The following SLC13A3 variants were observed in gnomAD, a reference collection of about 807,000 sequenced individuals.
SLC13A3 encodes solute carrier family 13 member 3, also known as Na(+)/dicarboxylate cotransporter 3.
SLC13A3 carries 40 observed loss-of-function variants against 59.0 expected under a neutral mutation model. The observed-to-expected ratio is 0.68, with a 90% CI of 0.53 to 0.88. The LOEUF (loss-of-function observed/expected upper bound fraction) is 0.88. Ranked by LOEUF, SLC13A3 falls within the 40% of genes least tolerant of loss-of-function variation. The probability of loss-of-function intolerance (pLI) is 0.00; values close to 1 mark genes in which losing one functional copy is unlikely to be tolerated. For synonymous variants in SLC13A3, 317 were observed against 330.3 expected (o/e 0.96, Z 0.44); for missense variants, 699 against 783.2 (o/e 0.89, Z 1.28).
chr20:46,596,198 C>G lies in SLC13A3; in HGVS notation c.753G>C (p.Thr251=). Residue 251 remains threonine (T), a synonymous_variant, in exon 5 of 13, where the codon ACG becomes ACC. Transcript: ENST00000279027. The stretch of plus-strand genomic sequence containing the variant: ...GCAGGATGAGGTTAGGGGCTGTGCC[C>G]GTGAGTGTGGCTGTGCCCCCAATAC... ...SASIGGTATL[T]GTAPNLILLG... The G allele has an allele frequency of 6.2e-7, 1 of 1,613,958 alleles. No homozygotes were observed. Among genetic ancestry groups the G allele is most frequent in the East Asian group, 2.2e-5 (1 of 44,850 alleles).
At position 46,560,178 on chromosome 20, in the gene SLC13A3, CATCA is replaced by C; in HGVS notation, c.1649_1652del (p.Leu550ArgfsTer3). ...TGAGCAGCAGGACACCCATCAGGTT[CATCA>C]GGAGGCCTGTCCGCACCTGAAATAG... On this transcript the variant is annotated frameshift_variant, in exon 13 of 13. Transcript: ENST00000279027. LOFTEE classifies it high-confidence loss of function. The C allele has an allele frequency of 6.2e-7, 1 of 1,614,144 alleles. No homozygotes were observed. Among genetic ancestry groups the C allele is most frequent in the Admixed American group, 1.7e-5 (1 of 60,020 alleles).
At chr20:46,684,003 C>A (rs1369939523) in intron 1 of SLC13A3, among the ~76,000 whole-genome samples, 1 of 152,166 alleles carries the variant, frequency 6.6e-6, no homozygotes, top group Non-Finnish European at 1.5e-5. Context: ...AACCCTGAGT[C>A]CCATTAAGAA....
chr20:46,634,763 G>A (rs991056383), intron 1 of SLC13A3, among the ~76,000 whole-genome samples: 1 of 152,150 alleles, frequency 6.6e-6, no homozygotes, highest in Non-Finnish European at 1.5e-5. Flanking sequence ...GGTAGAACAC[G>A]TTGTTCTGAG....
At chr20:46,629,334 T>C (rs2062712689) in intron 1 of SLC13A3, among the ~76,000 whole-genome samples, 1 of 152,230 alleles carries the variant, frequency 6.6e-6, no homozygotes, top group Non-Finnish European at 1.5e-5. Flanking sequence ...CATAAGGTTT[T>C]TTAATTAAGC....
rs1056015532 is a variant in SLC13A3 at position 46,612,288 on chromosome 20, C to A, written c.377+1172G>T. On this transcript the variant is annotated intron_variant, in intron 2 of 12. Coordinates refer to ENST00000279027, the MANE Select transcript of SLC13A3 (RefSeq NM_022829.6). ...CTGGGATCACAGGCATGCGCCACCA[C>A]GCCCAGTGAATTTTTTGTATTTTTG... is the stretch of plus-strand genomic sequence containing the variant. Among the ~76,000 whole-genome samples the A allele has an allele frequency of 3.3e-5, 5 of 151,914 alleles. 1 individual carries two copies. Among genetic ancestry groups the A allele is most frequent in the Admixed American group, 6.6e-5 (1 of 15,242 alleles).
intron 1 of SLC13A3, among the ~76,000 whole-genome samples, chr20:46,632,782 C>T (rs1011402512): frequency 1.3e-5 from 2 of 151,918 alleles, no homozygotes; most frequent in African/African-American, 2.4e-5. Flanking sequence ...ACATATAGCC[C>T]AGAGTAATCT....
intron 3 of SLC13A3, chr20:46,608,957 C>A: frequency 6.4e-7 from 1 of 1,550,930 alleles, no homozygotes; most frequent in Non-Finnish European, 8.7e-7. Context: ...CATTTCCACT[C>A]ATATTCCATT....
intron 9 of SLC13A3, among the ~76,000 whole-genome samples, chr20:46,580,882 C>T (rs905997549): frequency 6.6e-6 from 1 of 152,194 alleles, no homozygotes; most frequent in Non-Finnish European, 1.5e-5. Context: ...CCAGAAGTTA[C>T]CATCCCTTTT....
At chr20:46,563,679 A>G (rs562838687) in intron 11 of SLC13A3, 128 bp from the exon 12 acceptor site, 3 of 1,011,934 alleles carry the variant, frequency 3.0e-6, no homozygotes, top group Non-Finnish European at 4.3e-6. Flanking sequence ...AGAGACAAAG[A>G]CATCCATAGA....
intron 4 of SLC13A3, among the ~76,000 whole-genome samples, chr20:46,597,386 AC>A (rs1568928165): frequency 6.6e-6 from 1 of 152,218 alleles, no homozygotes; most frequent in Non-Finnish European, 1.5e-5. Context: ...ATAGCAGGTT[AC>A]AAAACAGCGT....
intron 1 of SLC13A3, among the ~76,000 whole-genome samples, chr20:46,631,682 C>G (rs561826160): frequency 6.6e-6 from 1 of 152,170 alleles, no homozygotes; most frequent in East Asian, 1.9e-4. Context: ...TTATAGGAAG[C>G]CTTATAATCC....
intron 10 of SLC13A3, among the ~76,000 whole-genome samples, chr20:46,570,782 A>G (rs2062022534): frequency 6.6e-6 from 1 of 152,180 alleles, no homozygotes; most frequent in African/African-American, 2.4e-5. Context: ...GAAGCATAAA[A>G]AAGCTCAGTG....
intron 1 of SLC13A3, among the ~76,000 whole-genome samples, chr20:46,650,855 A>G (rs2062945155): frequency 6.6e-6 from 1 of 152,184 alleles, no homozygotes; most frequent in Non-Finnish European, 1.5e-5. Flanking sequence ...GCTTGAGTCC[A>G]GGAGTTCCAG....
At chr20:46,647,454 C>G (rs1439914863) in intron 1 of SLC13A3, among the ~76,000 whole-genome samples, 1 of 152,196 alleles carries the variant, frequency 6.6e-6, no homozygotes, top group African/African-American at 2.4e-5. Flanking sequence ...GCTAAGATCA[C>G]TCCCCAAACC....
At chr20:46,584,460 G>T in intron 8 of SLC13A3, 1 of 985,400 alleles carries the variant, frequency 1.0e-6, no homozygotes, top group Non-Finnish European at 1.2e-6. Context: ...CTGGCTCCAA[G>T]TTCAACAAAG....
chr20:46,633,719 T>G (rs1372999852), intron 1 of SLC13A3, among the ~76,000 whole-genome samples: 2 of 152,234 alleles, frequency 1.3e-5, no homozygotes, highest in Admixed American at 6.5e-5. Context: ...CAATAACTAC[T>G]GTTTATGGGT....
chr20:46,643,675 A>C (rs2062867039), intron 1 of SLC13A3, among the ~76,000 whole-genome samples: 1 of 152,162 alleles, frequency 6.6e-6, no homozygotes, highest in East Asian at 1.9e-4. Flanking sequence ...AAATAAGTGA[A>C]CTTGACCTCT....
chr20:46,655,854 AAT>A (rs989348370), upstream of SLC13A3, among the ~76,000 whole-genome samples: 8 of 137,430 alleles, frequency 5.8e-5, no homozygotes, highest in South Asian at 6.5e-4. Context: ...TACTGTATAT[AAT>A]ATATATACTG....
chr20:46,564,842 T>C (rs80109164), intron 11 of SLC13A3, among the ~76,000 whole-genome samples: 2,147 of 152,338 alleles, frequency 0.014, 51 homozygotes, highest in African/African-American at 0.049. Context: ...GGCAGAGAGA[T>C]TGCTTAAATA....
Sources: allele counts gnomAD v4.1 joint callset (sites outside exome capture counted in the v4.1 genomes callset), GRCh38; gene constraint gnomAD v4.1.1; transcripts MANE v1.5; gene names NCBI Gene and HGNC (gene_info 2026-07-23, HGNC 2026-07-21).